The following TET3 variants were observed in gnomAD, a reference collection of about 807,000 sequenced individuals.
TET3 encodes the protein tet methylcytosine dioxygenase 3, also known as methylcytosine dioxygenase TET3.
TET3 carries 19 observed loss-of-function variants against 141.4 expected under a neutral mutation model. The observed-to-expected ratio is 0.13, with a 90% confidence interval of 0.09 to 0.20. The LOEUF (loss-of-function observed/expected upper bound fraction) is 0.20. TET3 is among the 10% of genes least tolerant of loss of function. The pLI is 1.00. For missense variants in TET3, 1,874 were observed against 2,356.9 expected, an observed-to-expected ratio of 0.80 and a Z score of 4.24; for synonymous variants, 1,043 against 980.9, an observed-to-expected ratio of 1.06 and a Z score of -1.18.
the TET3 span, among the ~76,000 whole-genome samples, chr2:74,118,437 G>C: frequency 6.6e-6 from 1 of 152,118 alleles, no homozygotes; most frequent in Admixed American, 6.5e-5. Context: ...GCACAGTACG[G>C]TACTGTAAAT....
chr2:73,987,353 T>C (rs2105061096), intron 2 of TET3, among the ~76,000 whole-genome samples: 1 of 152,328 alleles, frequency 6.6e-6, no homozygotes, highest in South Asian at 2.1e-4. Flanking sequence ...GACATGCTTT[T>C]GAGACACTGT....
At chr2:74,080,682 A>ACG in intron 6 of TET3, 91 bp downstream of exon 6, 3 of 485,478 alleles carry the variant, frequency 6.2e-6, no homozygotes, top group Non-Finnish European at 1.0e-5. Context: ...TGCTGCATGT[A>ACG]GCTGAGCAGG....
At chr2:74,027,337 CTTTTT>C (rs10649560) in intron 3 of TET3, among the ~76,000 whole-genome samples, 3 of 139,662 alleles carry the variant, frequency 2.1e-5, no homozygotes, top group East Asian at 2.1e-4. Context: ...TGAGAAGTGA[CTTTTT>C]TTTTTTTTTT....
intron 3 of TET3, among the ~76,000 whole-genome samples, chr2:74,004,967 G>T (rs531914797): frequency 1.4e-4 from 21 of 152,178 alleles, no homozygotes; most frequent in Non-Finnish European, 1.5e-5. Context: ...ACTCAGGGAG[G>T]GGGCAGGCCC....
At chr2:74,043,232 T>G (rs1039747029) in intron 3 of TET3, among the ~76,000 whole-genome samples, 39 of 152,252 alleles carry the variant, frequency 2.6e-4, no homozygotes, top group African/African-American at 8.9e-4. Flanking sequence ...TAGTTTAGGC[T>G]TCTAAGAAAG....
rs540450787 is a variant in TET3, at chr2:74,085,727, G to A, written c.2680-2103G>A. Among the ~76,000 whole-genome samples the A allele has an allele frequency of 7.9e-5, 12 of 152,326 alleles. No homozygotes were observed. The South Asian group carries it at 1.9e-3, about 24-fold the overall frequency. ...GCTCGCCTGCTGCTCACCTCCTGCC[G>A]TGCAGCCCAGTTCATAACAGGCCAC... On this transcript the variant is annotated intron_variant, in intron 6 of 11. Coordinates refer to ENST00000409262, the MANE Select transcript of TET3 (RefSeq NM_001287491.2).
intron 4 of TET3, among the ~76,000 whole-genome samples, chr2:74,060,140 C>T (rs1003670608): frequency 2.0e-5 from 3 of 152,206 alleles, no homozygotes; most frequent in African/African-American, 7.2e-5. Context: ...CATTGCTCCA[C>T]GTTCTCACCA....
upstream of TET3, among the ~76,000 whole-genome samples, chr2:73,983,713 T>C (rs903442412): frequency 5.3e-5 from 8 of 152,252 alleles, no homozygotes; most frequent in African/African-American, 1.4e-4. Flanking sequence ...GCTAAGCTGT[T>C]AGCTGCAGCC....
intron 7 of TET3, among the ~76,000 whole-genome samples, chr2:74,089,614 A>G (rs141865232): frequency 1.7e-3 from 264 of 152,344 alleles, no homozygotes; most frequent in African/African-American, 6.2e-3. Flanking sequence ...GGTTTTTACC[A>G]GATTCTTCCC....
At chr2:73,995,373 T>C (rs919833521) in intron 2 of TET3, among the ~76,000 whole-genome samples, 2 of 152,352 alleles carry the variant, frequency 1.3e-5, no homozygotes, top group South Asian at 2.1e-4. Flanking sequence ...CAGACCTCAG[T>C]TGGGGTAAGG....
chr2:74,080,690 A>G, intron 6 of TET3, 99 bp downstream of exon 6: 12 of 288,080 alleles, frequency 4.2e-5, no homozygotes, highest in South Asian at 9.5e-5. Context: ...GTAGCTGAGC[A>G]GGCGAGGGCG....
chr2:74,101,735 G>C lies in TET3; in HGVS notation c.4947G>C (p.Glu1649Asp). 1.2e-6 allele frequency: 2 copies of C among 1,613,426 alleles called. No homozygotes were observed. The highest frequency in any genetic ancestry group is 2.2e-5 in the East Asian group (1 of 44,872). Residue 1649 changes from glutamate to aspartate, a missense_variant, in exon 12 of 12, where the codon GAG becomes GAC. Glu to Asp is a conservative substitution (Grantham distance 45). Transcript: ENST00000409262. This position sits in a 1 kb window ranked among gnomAD's most constrained non-coding sequence, Gnocchi z 8.5. ...ACAGTGAACACAACTTCCTGGACGA[G>C]AACATCGGCGGCGTGGCCGTGGCCC... is the stretch of plus-strand genomic sequence containing the variant. ...WSDSEHNFLD[E>D]NIGGVAVAPA... is the part of the protein sequence containing the mutation.
chr2:74,077,446 C>T (rs1420088484), intron 5 of TET3, among the ~76,000 whole-genome samples: 1 of 152,130 alleles, frequency 6.6e-6, no homozygotes, highest in Non-Finnish European at 1.5e-5. Flanking sequence ...GATTAGTTAT[C>T]CTTTAGAATA....
the TET3 span, chr2:74,121,524 C>CTTGATAATAG: frequency 1.3e-5 from 2 of 152,178 alleles, no homozygotes; most frequent in Non-Finnish European, 2.9e-5. Flanking sequence ...CAATAAGGTG[C>CTTGATAATAG]TTGATAATAG....
At chr2:73,990,109 A>C (rs1246377625) in intron 2 of TET3, among the ~76,000 whole-genome samples, 1 of 152,098 alleles carries the variant, frequency 6.6e-6, no homozygotes. Flanking sequence ...GATGCAATAC[A>C]AGGGCTAGGT....
At chr2:74,109,131 G>A (rs961516174), downstream of TET3, among the ~76,000 whole-genome samples, 1 of 152,148 alleles carries the variant, frequency 6.6e-6, no homozygotes, top group African/African-American at 2.4e-5. Context: ...CCCTTCCTGA[G>A]CGCCTGTCAT....
At chr2:74,122,615 G>A in the TET3 span, among the ~76,000 whole-genome samples, 1 of 137,116 alleles carries the variant, frequency 7.3e-6, no homozygotes, top group Non-Finnish European at 1.5e-5. Context: ...CCAGGCTCAA[G>A]CTGTTCTCCT....
At position 74,100,914 on chromosome 2, in the gene TET3, C is replaced by T; in HGVS notation, c.4126C>T (p.His1376Tyr). ...EYLLPKAPLL[H>Y]SVSRDPSPFA... ...TCTGCTTCCCAAGGCCCCCCTACTC[C>T]ACTCAGTGTCCAGGGACCCCTCCCC... Residue 1376 changes from histidine to tyrosine, a missense_variant, in exon 12 of 12, where the codon CAC becomes TAC. Around this residue, in one of 10 missense-constraint regions of TET3, gnomAD observed 602 missense variants for 590.2 expected, o/e 1.02. Coordinates refer to ENST00000409262, the MANE Select transcript of TET3 (RefSeq NM_001287491.2). The T allele has an allele frequency of 6.2e-7, 1 of 1,610,512 alleles. No individual in the cohort carries two copies. The highest frequency in any genetic ancestry group is 2.2e-5 in the East Asian group (1 of 44,722).
intron 3 of TET3, among the ~76,000 whole-genome samples, chr2:74,034,885 G>A (rs1193896261): frequency 6.6e-6 from 1 of 152,028 alleles, no homozygotes; most frequent in Non-Finnish European, 1.5e-5. Flanking sequence ...CTTCCTGCCA[G>A]TGAGGTATAA....
Sources: gnomAD v4.1 joint callset for allele counts (sites outside exome capture counted in the v4.1 genomes callset) on GRCh38, gnomAD v4.1.1 for gene constraint, gnomAD v4.1.1 regional missense constraint, Gnocchi (gnomAD v3.1) non-coding constraint, MANE v1.5 for transcripts, NCBI Gene and HGNC (gene_info 2026-07-23, HGNC 2026-07-21) for gene names.